ABCB5: variants seen among roughly 807,000 people sequenced by gnomAD.
ABCB5 encodes the protein ATP binding cassette subfamily B member 5.
ABCB5 carries 155 observed loss-of-function variants against 144.2 expected under a neutral mutation model. That is an observed-to-expected ratio of 1.08 (90% confidence interval 0.94 to 1.23). The LOEUF (loss-of-function observed/expected upper bound fraction) is 1.23, where lower values mean the gene tolerates loss of function less well. Among genes scored for constraint, ABCB5 ranks in the 50% most tolerant of loss-of-function variants. The pLI, the probability that ABCB5 is intolerant of heterozygous loss-of-function variation, is 0.00. For missense variants in ABCB5, 1,830 were observed against 1,520.8 expected, an observed-to-expected ratio of 1.20 and a Z score of -3.38; for synonymous variants, 610 against 528.6, an observed-to-expected ratio of 1.15 and a Z score of -2.11.
intron 14 of ABCB5, chr7:20,667,297 A>T (rs930156170): frequency 1.0e-6 from 1 of 984,728 alleles, no homozygotes; most frequent in Non-Finnish European, 1.2e-6. Flanking sequence ...ATAAGTAAAT[A>T]AATATGAGAA....
At chr7:20,621,611 T>C (rs1407478576) in intron 1 of ABCB5, among the ~76,000 whole-genome samples, 4 of 152,080 alleles carry the variant, frequency 2.6e-5, no homozygotes, top group Admixed American at 2.0e-4. Flanking sequence ...TTTTCAATTC[T>C]TCATGAGGAA....
chr7:20,643,319 G>A lies in ABCB5; in HGVS notation c.450G>A (p.Gln150=), dbSNP rs1583387538. 1 of 1,613,984 alleles carries A rather than the reference G, an allele frequency of 6.2e-7. No individual in the cohort carries two copies. Among genetic ancestry groups the A allele is most frequent in the Non-Finnish European group, 8.5e-7 (1 of 1,179,886 alleles). Residue 150 remains glutamine (Q), a synonymous_variant, in exon 6 of 28, where the codon CAG becomes CAA. Coordinates refer to ENST00000404938, the MANE Select transcript of ABCB5 (RefSeq NM_001163941.2). ...RKQFFHSVLA[Q]DIGWFDSCDI... ...AGTTTTTTCATTCAGTTTTGGCACA[G>A]GACATCGGCTGGTTTGATAGCTGTG... is the stretch of plus-strand genomic sequence containing the variant.
intron 23 of ABCB5, among the ~76,000 whole-genome samples, chr7:20,732,736 C>T (rs1355666493): frequency 6.6e-6 from 1 of 152,108 alleles, no homozygotes; most frequent in Non-Finnish European, 1.5e-5. Context: ...CGAGGGCAAC[C>T]ATTGATATAA....
At chr7:20,673,496 C>G (rs919095260) in intron 14 of ABCB5, among the ~76,000 whole-genome samples, 24 of 152,130 alleles carry the variant, frequency 1.6e-4, no homozygotes, top group East Asian at 3.9e-4. Context: ...GAATCGAGCC[C>G]TTATTCATTA....
chr7:20,651,512 G>C lies in ABCB5; in HGVS notation c.1425G>C (p.Gly475=). 3 of 1,614,024 alleles carry C rather than the reference G, an allele frequency of 1.9e-6. No individual in the cohort carries two copies. The highest frequency in any genetic ancestry group is 2.5e-6 in the Non-Finnish European group (3 of 1,180,002). The change falls in exon 13 of 28, where the codon GGG becomes GGC. Residue 475 remains glycine, a synonymous_variant. Coordinates refer to ENST00000404938, the MANE Select transcript of ABCB5 (RefSeq NM_001163941.2). ...GVVSQEPVLF[G]TTISNNIKYG... is the part of the protein sequence containing the mutation. ...TTAGTCAAGAGCCTGTTTTGTTCGG[G>C]ACCACCATCAGTAACAATATCAAGT... is the stretch of plus-strand genomic sequence containing the variant.
chr7:20,626,444 G>T, intron 2 of ABCB5, 113 bp from the exon 3 acceptor site: 1 of 763,538 alleles, frequency 1.3e-6, no homozygotes, highest in African/African-American at 1.8e-5. Context: ...TTTCAGTGTT[G>T]GTATAAATTT....
At chr7:20,726,981 T>C (rs1401489185) in intron 21 of ABCB5, 59 bp from the exon 22 acceptor site, 1 of 1,254,932 alleles carries the variant, frequency 8.0e-7, no homozygotes, top group Non-Finnish European at 1.1e-6. Flanking sequence ...AATTCACAAA[T>C]GGGAAAAGAT....
intron 26 of ABCB5, among the ~76,000 whole-genome samples, chr7:20,746,894 T>C (rs893589257): frequency 2.6e-5 from 4 of 152,232 alleles, no homozygotes; most frequent in African/African-American, 7.2e-5. Context: ...TAAAGGGAGA[T>C]AGTTAAATTT....
intron 15 of ABCB5, among the ~76,000 whole-genome samples, chr7:20,683,483 GTA>G (rs1785891765): frequency 6.6e-6 from 1 of 152,064 alleles, no homozygotes; most frequent in South Asian, 2.1e-4. Context: ...ATTAATACTA[GTA>G]TAGTCAGATC....
chr7:20,753,341 T>C lies in ABCB5; in HGVS notation c.3430-19T>C, dbSNP rs756321938. 4.4e-6 allele frequency: 7 copies of C among 1,592,798 alleles called. No individual in the cohort carries two copies. Among genetic ancestry groups the C allele is most frequent in the South Asian group, 2.3e-5 (2 of 88,078 alleles). On this transcript the variant is annotated intron_variant, in intron 26 of 27. Coordinates refer to ENST00000404938, the MANE Select transcript of ABCB5 (RefSeq NM_001163941.2). ...AAATAACCAAGACTTGCTTTCTTAA[T>C]TGCATGCTCCTGTGATAGAAATACA...
At chr7:20,689,850 A>C (rs1786153388) in intron 16 of ABCB5, among the ~76,000 whole-genome samples, 1 of 152,218 alleles carries the variant, frequency 6.6e-6, no homozygotes, top group Non-Finnish European at 1.5e-5. Context: ...GAGAGGCAAT[A>C]AGTCAATAAC....
chr7:20,710,166 G>T (rs1786977281), intron 20 of ABCB5, among the ~76,000 whole-genome samples: 1 of 148,466 alleles, frequency 6.7e-6, no homozygotes, highest in East Asian at 2.0e-4. Flanking sequence ...CCTGAGGTCG[G>T]GAGTTCAAGA....
intron 27 of ABCB5, 68 bp from the exon 28 acceptor site, chr7:20,755,359 G>A: frequency 7.0e-7 from 1 of 1,426,536 alleles, no homozygotes; most frequent in Non-Finnish European, 9.8e-7. Context: ...TACCTTAATT[G>A]ATTTGACTTA....
At chr7:20,690,846 A>G (rs553585582) in intron 16 of ABCB5, among the ~76,000 whole-genome samples, 23 of 152,308 alleles carry the variant, frequency 1.5e-4, no homozygotes, top group African/African-American at 5.5e-4. Flanking sequence ...TATCATAGAC[A>G]CCAAAAAAGA....
intron 15 of ABCB5, among the ~76,000 whole-genome samples, chr7:20,684,236 G>T (rs1785918864): frequency 6.6e-6 from 1 of 152,134 alleles, no homozygotes; most frequent in Non-Finnish European, 1.5e-5. Flanking sequence ...TTATATACAT[G>T]TATATTGCTT....
chr7:20,681,517 C>T lies in ABCB5; in HGVS notation c.1720C>T (p.Arg574Trp), dbSNP rs774292914. The change falls in exon 15 of 28, where the codon CGG becomes TGG. Residue 574 changes from arginine to tryptophan, a missense_variant. Transcript: ENST00000404938. ...QAALEKASKGRTTIVVAHRLS... is the reference protein window; with the variant it reads ...QAALEKASKGWTTIVVAHRLS... Reference sequence around the variant, plus strand: ...TTTTATTCTGTAGGCGAGCAAAGGTCGGACTACAATCGTGGTAGCACACCG... The same window carrying T: ...TTTTATTCTGTAGGCGAGCAAAGGTTGGACTACAATCGTGGTAGCACACCG... 8.7e-6 allele frequency: 14 copies of T among 1,614,054 alleles called. No homozygotes were observed. Among genetic ancestry groups the T allele is most frequent in the Admixed American group, 1.7e-5 (1 of 60,014 alleles).
chr7:20,669,101 TG>T (rs1241757378), intron 14 of ABCB5, among the ~76,000 whole-genome samples: 2 of 145,502 alleles, frequency 1.4e-5, no homozygotes, highest in Non-Finnish European at 3.0e-5. Context: ...GGGAGGATGG[TG>T]GGGGGGGTCA....
At chr7:20,644,960 CA>C (rs1382714984) in intron 7 of ABCB5, among the ~76,000 whole-genome samples, 1 of 152,130 alleles carries the variant, frequency 6.6e-6, no homozygotes, top group Non-Finnish European at 1.5e-5. Context: ...AGATTGCCTG[CA>C]GTAAGTTAGT....
chr7:20,744,590 T>C (rs1253090931), intron 25 of ABCB5, among the ~76,000 whole-genome samples: 1 of 149,190 alleles, frequency 6.7e-6, no homozygotes, highest in Non-Finnish European at 1.5e-5. Context: ...ATTGCATGCC[T>C]CTCTGCTAAA....
Sources: allele counts gnomAD v4.1 joint callset (sites outside exome capture counted in the v4.1 genomes callset), GRCh38; gene constraint gnomAD v4.1.1; transcripts MANE v1.5; gene names NCBI Gene and HGNC (gene_info 2026-07-23, HGNC 2026-07-21).